Variants in CHN2 observed in about 807,000 individuals in gnomAD.
CHN2 encodes the protein beta-chimaerin.
Under a neutral mutation model 56.3 loss-of-function variants are expected in CHN2, and 35 were observed. That is an observed-to-expected ratio of 0.62 (90% CI 0.47 to 0.82). CHN2 has a LOEUF of 0.82. CHN2 is among the 40% of genes least tolerant of loss of function. The pLI is 0.00. For synonymous variants in CHN2, 210 were observed against 212.8 expected, an observed-to-expected ratio of 0.99 and a Z score of 0.12; for missense variants, 491 against 580.5, an observed-to-expected ratio of 0.85 and a Z score of 1.58.
intron 6 of CHN2, among the ~76,000 whole-genome samples, chr7:29,423,990 T>A (rs1804598339): frequency 6.6e-6 from 1 of 152,176 alleles, no homozygotes; most frequent in South Asian, 2.1e-4. Flanking sequence ...CTCCCACTCA[T>A]GGTGGGCTAC....
intron 1 of CHN2, among the ~76,000 whole-genome samples, chr7:29,327,069 A>G (rs1349579075): frequency 2.6e-5 from 4 of 152,300 alleles, no homozygotes; most frequent in South Asian, 2.1e-4. Context: ...ATTTCTGCCT[A>G]TAGGACATCT....
At chr7:29,342,299 G>T (rs1003303841) in intron 1 of CHN2, among the ~76,000 whole-genome samples, 1 of 152,194 alleles carries the variant, frequency 6.6e-6, no homozygotes, top group Admixed American at 6.5e-5. Context: ...ATAATGTATG[G>T]AAGGGGACTA....
intron 2 of CHN2, among the ~76,000 whole-genome samples, chr7:29,356,146 C>T (rs1486082183): frequency 1.3e-5 from 2 of 152,018 alleles, no homozygotes; most frequent in Non-Finnish European, 2.9e-5. Flanking sequence ...GGCTAAGTAA[C>T]TTGGTGAAGT....
intron 6 of CHN2, among the ~76,000 whole-genome samples, chr7:29,440,684 CAAAAAAA>C (rs556692737): frequency 4.4e-5 from 2 of 45,650 alleles, no homozygotes; most frequent in South Asian, 9.5e-4. Context: ...GACTCCGTCT[CAAAAAAA>C]AAAAAAAAAA....
intron 1 of CHN2, among the ~76,000 whole-genome samples, chr7:29,304,410 G>C (rs2128880439): frequency 6.6e-6 from 1 of 152,312 alleles, no homozygotes; most frequent in South Asian, 2.1e-4. Flanking sequence ...TGTAATTGTA[G>C]AGAGAGATGA....
At chr7:29,286,999 C>G (rs1283669958) in intron 1 of CHN2, among the ~76,000 whole-genome samples, 2 of 152,150 alleles carry the variant, frequency 1.3e-5, no homozygotes, top group Admixed American at 1.3e-4. Context: ...TTTACCATCT[C>G]TAATAACTAT....
At chr7:29,440,056 TAAAG>T (rs1413997651) in intron 6 of CHN2, among the ~76,000 whole-genome samples, 3 of 152,198 alleles carry the variant, frequency 2.0e-5, no homozygotes, top group African/African-American at 7.2e-5. Flanking sequence ...AACTATCTTT[TAAAG>T]AAAGCGAGAC....
chr7:29,153,139 T>C (rs1204048016), intron 2 of CHN2, among the ~76,000 whole-genome samples: 1 of 152,216 alleles, frequency 6.6e-6, no homozygotes, highest in Non-Finnish European at 1.5e-5. Context: ...TATCAAGGTA[T>C]ATCTTTCAAG....
chr7:29,323,998 C>T (rs1173042899), intron 1 of CHN2, among the ~76,000 whole-genome samples: 9 of 149,986 alleles, frequency 6.0e-5, no homozygotes, highest in South Asian at 4.3e-4. Flanking sequence ...AGCGAGACCC[C>T]GTCTCAAAAA....
upstream of CHN2, among the ~76,000 whole-genome samples, chr7:29,190,629 C>G (rs562833646): frequency 3.3e-5 from 5 of 152,324 alleles, no homozygotes; most frequent in South Asian, 8.3e-4. Context: ...TTTACTCCAT[C>G]AAGATTTTAT....
In CHN2 at chr7:29,327,915, A is replaced by G. The variant is rs1025400139; in HGVS notation, c.50-26710A>G. On this transcript the variant is annotated intron_variant, in intron 1 of 12. Transcript: ENST00000222792. ...GTGCTTCTTTCAACCTTCCAGAGAAAATGGGTAAGACAAAAAAAGTTTAAA... is the reference window on the plus strand; with the variant it reads ...GTGCTTCTTTCAACCTTCCAGAGAAGATGGGTAAGACAAAAAAAGTTTAAA... Among the ~76,000 whole-genome samples the G allele has an allele frequency of 5.3e-5, 8 of 152,212 alleles. No homozygotes were observed. In the South Asian group the frequency reaches 1.7e-3, roughly 31 times the overall value.
chr7:29,458,497 T>A (rs760375213), intron 6 of CHN2, among the ~76,000 whole-genome samples: 37 of 152,028 alleles, frequency 2.4e-4, no homozygotes, highest in Admixed American at 5.9e-4. Flanking sequence ...AATTATCTGT[T>A]TATGTGTCTC....
intron 1 of CHN2, among the ~76,000 whole-genome samples, chr7:29,310,987 C>G (rs923633321): frequency 6.6e-6 from 1 of 152,198 alleles, no homozygotes. Context: ...TGAAAGAATT[C>G]TTAAACAACA....
upstream of CHN2, chr7:29,192,810 C>T (rs909437549): frequency 5.3e-5 from 8 of 152,158 alleles, no homozygotes; most frequent in African/African-American, 9.7e-5. Flanking sequence ...CAGTTGTCTT[C>T]GAAGCCCAGA....
rs1784141737 is a variant in CHN2, at chr7:29,447,914, A to G, written c.577-32365A>G. Among the ~76,000 whole-genome samples the G allele has an allele frequency of 2.0e-5, 3 of 152,334 alleles. No individual in the cohort carries two copies. In the South Asian group the frequency reaches 6.2e-4, roughly 32 times the overall value. ...TAGAATCACTGGGAGAACTTTGCAA[A>G]AAAATAGAAATTTCCGTCTTCAAAG... On this transcript the variant is annotated intron_variant, in intron 6 of 12. Coordinates refer to ENST00000222792, the MANE Select transcript of CHN2 (RefSeq NM_004067.4).
chr7:29,421,545 T>G (rs1443635714), intron 6 of CHN2, among the ~76,000 whole-genome samples: 1 of 152,170 alleles, frequency 6.6e-6, no homozygotes, highest in African/African-American at 2.4e-5. Flanking sequence ...CAACCAAAGC[T>G]CCTTGATGCC....
chr7:29,236,825 C>G (rs575005894), intron 1 of CHN2, among the ~76,000 whole-genome samples: 1 of 152,262 alleles, frequency 6.6e-6, no homozygotes, highest in Non-Finnish European at 1.5e-5. Context: ...GCTCATGGCC[C>G]CACATCACCC....
At chr7:29,250,238 T>A (rs2128818051) in intron 1 of CHN2, among the ~76,000 whole-genome samples, 1 of 152,354 alleles carries the variant, frequency 6.6e-6, no homozygotes, top group East Asian at 1.9e-4. Flanking sequence ...TATTCCCATT[T>A]AAAAATATCC....
At chr7:29,312,621 AGCGTGC>A (rs1476778131) in intron 1 of CHN2, among the ~76,000 whole-genome samples, 5 of 152,186 alleles carry the variant, frequency 3.3e-5, no homozygotes, top group Non-Finnish European at 7.3e-5. Flanking sequence ...AATAATAATG[AGCGTGC>A]AGAAGAACAT....
Sources: allele counts gnomAD v4.1 joint callset (sites outside exome capture counted in the v4.1 genomes callset), GRCh38; gene constraint gnomAD v4.1.1; transcripts MANE v1.5; gene names NCBI Gene and HGNC (gene_info 2026-07-23, HGNC 2026-07-21).